FSTL4: variants seen among roughly 807,000 people sequenced by gnomAD.
The protein encoded by FSTL4 is follistatin-related protein 4.
Under a neutral mutation model 78.2 loss-of-function variants are expected in FSTL4, and 28 were observed. The observed-to-expected ratio is 0.36, with a 90% confidence interval of 0.27 to 0.49. The LOEUF (loss-of-function observed/expected upper bound fraction) is 0.49. FSTL4 is among the 20% of genes least tolerant of loss of function. The pLI is 0.98. For synonymous variants in FSTL4, 422 were observed against 440.5 expected (o/e 0.96, Z 0.53); for missense variants, 922 against 1,084.9 (o/e 0.85, Z 2.11).
the FSTL4 span, among the ~76,000 whole-genome samples, chr5:133,704,582 A>G: frequency 0.24 from 37,091 of 152,202 alleles, 5,132 homozygotes; most frequent in African/African-American, 0.38. Flanking sequence ...GGTAAGAAGC[A>G]CCCAGGTAAC....
At chr5:133,239,777 G>A (rs190099590) in intron 7 of FSTL4, among the ~76,000 whole-genome samples, 11 of 152,232 alleles carry the variant, frequency 7.2e-5, no homozygotes, top group African/African-American at 2.6e-4. Context: ...AACTTTGTGT[G>A]GACACTCTGT....
chr5:133,681,016 A>G, the FSTL4 span, among the ~76,000 whole-genome samples: 1 of 152,292 alleles, frequency 6.6e-6, no homozygotes, highest in African/African-American at 2.4e-5. Context: ...TCAGGCCTGG[A>G]TGTCTGAAGG....
intron 6 of FSTL4, among the ~76,000 whole-genome samples, chr5:133,305,634 A>G (rs1753640002): frequency 6.6e-6 from 1 of 152,114 alleles, no homozygotes; most frequent in Non-Finnish European, 1.5e-5. Flanking sequence ...CCAGGTGGCA[A>G]GCTCCCCATG....
At chr5:133,763,971 A>T in the FSTL4 span, among the ~76,000 whole-genome samples, 1 of 152,152 alleles carries the variant, frequency 6.6e-6, no homozygotes, top group Non-Finnish European at 1.5e-5. Flanking sequence ...TGCTACAGAG[A>T]GTCGCTTCAG....
the FSTL4 span, among the ~76,000 whole-genome samples, chr5:133,680,215 T>A: frequency 2.0e-5 from 3 of 152,344 alleles, no homozygotes; most frequent in African/African-American, 7.2e-5. Flanking sequence ...TTTGCTTGTA[T>A]GTTCATTCAT....
chr5:133,386,470 A>G (rs375000075), intron 4 of FSTL4, among the ~76,000 whole-genome samples: 8 of 152,138 alleles, frequency 5.3e-5, no homozygotes, highest in African/African-American at 1.9e-4. Flanking sequence ...TTCTGTCAGC[A>G]TGTTTTACAG....
At position 133,488,309 on chromosome 5, in the gene FSTL4, C is replaced by T. The variant is rs555595827; in HGVS notation, c.160+78877G>A. Among the ~76,000 whole-genome samples, 8 of 152,336 alleles carry T rather than the reference C, an allele frequency of 5.3e-5. No homozygotes were observed. In the South Asian group the frequency reaches 1.7e-3, roughly 32 times the overall value. The stretch of plus-strand genomic sequence containing the variant: ...TCACCCTGTTGCCCAGGCTGGAGTG[C>T]AGTGGCACAATCTCTGCTCACTGCA... On this transcript the variant is annotated intron_variant, in intron 3 of 15. Transcript: ENST00000265342.
chr5:133,525,086 T>G (rs1759063077), intron 3 of FSTL4, among the ~76,000 whole-genome samples: 1 of 152,194 alleles, frequency 6.6e-6, no homozygotes, highest in African/African-American at 2.4e-5. Context: ...GCCTTTCCGC[T>G]GTTCTGGCAA....
chr5:133,667,571 C>T, the FSTL4 span, among the ~76,000 whole-genome samples: 1 of 152,198 alleles, frequency 6.6e-6, no homozygotes, highest in Admixed American at 6.5e-5. Context: ...ATATATCAGA[C>T]CCACTTCTGT....
the FSTL4 span, among the ~76,000 whole-genome samples, chr5:133,640,372 TG>T: frequency 4.2e-4 from 64 of 152,364 alleles, no homozygotes; most frequent in African/African-American, 1.5e-3. Flanking sequence ...GCTTTCTCAC[TG>T]TCACACTTTG....
In FSTL4 at chr5:133,611,386, C is replaced by T. The variant is rs1761089431; in HGVS notation, c.-11+939G>A. Among the ~76,000 whole-genome samples the T allele has an allele frequency of 6.6e-6, 1 of 152,222 alleles. No individual in the cohort carries two copies. The highest frequency in any genetic ancestry group is 1.9e-4 in the East Asian group (1 of 5,178). On this transcript the variant is annotated intron_variant, in intron 1 of 15. Coordinates refer to ENST00000265342, the MANE Select transcript of FSTL4 (RefSeq NM_015082.2). This position sits in a 1 kb window ranked among gnomAD's most constrained non-coding sequence, Gnocchi z 4.9. Reference sequence around the variant, plus strand: ...AGGCCTGGGGTTGGCGCCGCTTTGTCGGCTGCAGGGAGCCCCAAAGACTAG... The same window carrying T: ...AGGCCTGGGGTTGGCGCCGCTTTGTTGGCTGCAGGGAGCCCCAAAGACTAG...
intron 2 of FSTL4, among the ~76,000 whole-genome samples, chr5:133,582,082 C>T (rs1374006438): frequency 2.0e-5 from 3 of 152,218 alleles, no homozygotes; most frequent in East Asian, 3.9e-4. Context: ...CTCTTCCCAG[C>T]AAGTCAGTGG....
At chr5:133,753,675 C>A in the FSTL4 span, among the ~76,000 whole-genome samples, 5 of 137,184 alleles carry the variant, frequency 3.6e-5, no homozygotes, top group Non-Finnish European at 7.7e-5. Context: ...TGTGGGTCCA[C>A]ATTTGTTCTG....
chr5:133,653,151 T>C, the FSTL4 span, among the ~76,000 whole-genome samples: 2 of 152,264 alleles, frequency 1.3e-5, no homozygotes, highest in South Asian at 4.2e-4. Flanking sequence ...CTGTAGACTG[T>C]TAATGCTAGA....
the FSTL4 span, among the ~76,000 whole-genome samples, chr5:133,653,038 T>C: frequency 6.6e-6 from 1 of 152,178 alleles, no homozygotes; most frequent in South Asian, 2.1e-4. Flanking sequence ...CTTGTGAGTG[T>C]CAGCCAAACG....
the FSTL4 span, among the ~76,000 whole-genome samples, chr5:133,811,296 G>A: frequency 3.3e-5 from 5 of 152,068 alleles, no homozygotes; most frequent in South Asian, 4.1e-4. Flanking sequence ...CCACCTCAAG[G>A]TTTGGTTTCA....
At chr5:133,349,293 C>CTGTGTGTGTGTG (rs1297491221) in intron 4 of FSTL4, among the ~76,000 whole-genome samples, 40 of 99,316 alleles carry the variant, frequency 4.0e-4, no homozygotes, top group African/African-American at 1.3e-3. Flanking sequence ...AAGCCTCTCT[C>CTGTGTGTGTGTG]TCTGTGTGTG....
chr5:133,644,708 G>T, the FSTL4 span, among the ~76,000 whole-genome samples: 9 of 152,100 alleles, frequency 5.9e-5, no homozygotes, highest in Non-Finnish European at 1.3e-4. Flanking sequence ...CTGTTCTGCT[G>T]GTTACTTTCC....
chr5:133,212,878 T>C (rs371638234), intron 13 of FSTL4, among the ~76,000 whole-genome samples: 15 of 152,192 alleles, frequency 9.9e-5, no homozygotes, highest in African/African-American at 3.6e-4. Context: ...AGAAAAATGA[T>C]ACAGCACCTT....
Sources: allele counts gnomAD v4.1 joint callset (sites outside exome capture counted in the v4.1 genomes callset), GRCh38; gene constraint gnomAD v4.1.1; non-coding constraint Gnocchi (gnomAD v3.1); transcripts MANE v1.5; gene names NCBI Gene and HGNC (gene_info 2026-07-23, HGNC 2026-07-21).